Variants in JAM3 observed in about 807,000 individuals in gnomAD.
JAM3 encodes the protein junctional adhesion molecule C.
JAM3 carries 31 observed loss-of-function variants against 39.4 expected under a neutral mutation model. That is an observed-to-expected ratio of 0.79 (90% CI 0.59 to 1.06). The LOEUF is 1.06. Ranked by LOEUF, JAM3 falls within the 50% of genes least tolerant of loss-of-function variation. The pLI is 0.00. For synonymous variants in JAM3, 182 were observed against 148.7 expected (o/e 1.22, Z -1.63); for missense variants, 455 against 391.4 (o/e 1.16, Z -1.37).
At chr11:134,109,396 T>C (rs1443426377) in intron 1 of JAM3, among the ~76,000 whole-genome samples, 1 of 152,214 alleles carries the variant, frequency 6.6e-6, no homozygotes, top group African/African-American at 2.4e-5. Flanking sequence ...CATTAACATT[T>C]ATGTCAGGGA....
chr11:134,129,050 T>C (rs774189899), intron 1 of JAM3, among the ~76,000 whole-genome samples: 4 of 151,902 alleles, frequency 2.6e-5, no homozygotes, highest in Non-Finnish European at 4.4e-5. Flanking sequence ...GGCCAGTAGG[T>C]GACTGCCTTC....
Position 134,084,570 on chromosome 11 carries a change from A to G in JAM3, c.76+15411A>G, listed in dbSNP as rs536348456. ...GTACCTGTCATAGTAGTAAGCTCTC[A>G]GTGTTAGGTTTTGTTTTTCATCAAT... On this transcript the variant is annotated intron_variant, in intron 1 of 8. Transcript: ENST00000299106. 3.1e-3 allele frequency among the ~76,000 whole-genome samples: 475 copies of G among 152,320 alleles called. 2 individuals are homozygous for G. Among genetic ancestry groups the G allele is most frequent in the African/African-American group, 0.011 (456 of 41,574 alleles).
intron 1 of JAM3, among the ~76,000 whole-genome samples, chr11:134,124,695 A>G (rs773749973): frequency 6.6e-6 from 1 of 152,182 alleles, no homozygotes; most frequent in Non-Finnish European, 1.5e-5. Context: ...TACTGGAGTC[A>G]TTAAAAGAAA....
chr11:134,111,131 ATCTTTTTTTTT>A (rs1252351033), intron 1 of JAM3, among the ~76,000 whole-genome samples: 2 of 115,226 alleles, frequency 1.7e-5, no homozygotes, highest in African/African-American at 8.4e-5. Flanking sequence ...ACACACATCC[ATCTTTTTTTTT>A]TTTTTTTTTT....
At chr11:134,069,670 G>C (rs988266702) in intron 1 of JAM3, among the ~76,000 whole-genome samples, 1 of 152,180 alleles carries the variant, frequency 6.6e-6, no homozygotes, top group African/African-American at 2.4e-5. Flanking sequence ...CGGCAGCTGC[G>C]GCGTGGGCGC....
chr11:134,081,537 C>A (rs1941665477), intron 1 of JAM3, among the ~76,000 whole-genome samples: 1 of 152,220 alleles, frequency 6.6e-6, no homozygotes, highest in Non-Finnish European at 1.5e-5. Flanking sequence ...CTTGCAGCTT[C>A]CACGTGGTGT....
chr11:134,106,301 A>G (rs531644970), intron 1 of JAM3, among the ~76,000 whole-genome samples: 157 of 152,234 alleles, frequency 1.0e-3, no homozygotes, highest in African/African-American at 3.6e-3. Context: ...CATATGTAGA[A>G]AGCTGAAACT....
intron 1 of JAM3, among the ~76,000 whole-genome samples, chr11:134,134,097 TA>T (rs373410203): frequency 1.1e-3 from 159 of 151,336 alleles, no homozygotes; most frequent in African/African-American, 3.7e-3. Flanking sequence ...ACACTAGAGA[TA>T]AAAAAAACTA....
intron 1 of JAM3, among the ~76,000 whole-genome samples, chr11:134,115,574 G>T (rs1439059622): frequency 6.6e-5 from 10 of 152,120 alleles, no homozygotes; most frequent in Admixed American, 6.6e-4. Context: ...GAGTTTATCT[G>T]ATGTTTTCTC....
At chr11:134,144,424 C>T (rs1408975583) in intron 4 of JAM3, 31 bp downstream of exon 4, 23 of 1,611,794 alleles carry the variant, frequency 1.4e-5, no homozygotes, top group Non-Finnish European at 2.0e-5. Flanking sequence ...GAGACATTGC[C>T]ACCATAGGAT....
chr11:134,086,596 T>G (rs986759192), intron 1 of JAM3, among the ~76,000 whole-genome samples: 3 of 152,148 alleles, frequency 2.0e-5, no homozygotes, highest in African/African-American at 7.2e-5. Flanking sequence ...TTAGTGGAAA[T>G]TCCAGCATAT....
chr11:134,112,818 G>A (rs1942343055), intron 1 of JAM3, among the ~76,000 whole-genome samples: 1 of 152,208 alleles, frequency 6.6e-6, no homozygotes, highest in South Asian at 2.1e-4. Context: ...TTCATGTCGT[G>A]TAAGAGGATA....
At chr11:134,080,683 C>T (rs921365127) in intron 1 of JAM3, among the ~76,000 whole-genome samples, 2 of 152,166 alleles carry the variant, frequency 1.3e-5, no homozygotes, top group Admixed American at 6.5e-5. Flanking sequence ...GTAAATTGCC[C>T]AGTCTCGGGT....
intron 3 of JAM3, among the ~76,000 whole-genome samples, chr11:134,141,683 G>A (rs1283740110): frequency 6.6e-6 from 1 of 152,100 alleles, no homozygotes; most frequent in Non-Finnish European, 1.5e-5. Context: ...GGAGAGGGCT[G>A]GTGGGGGGCC....
At chr11:134,140,821 C>T (rs1460748974) in intron 3 of JAM3, 51 bp downstream of exon 3, 1 of 1,574,472 alleles carries the variant, frequency 6.4e-7, no homozygotes, top group Non-Finnish European at 8.6e-7. Context: ...GTCCATAGAC[C>T]TGGGTATACA....
chr11:134,099,105 G>A (rs2120673508), intron 1 of JAM3, among the ~76,000 whole-genome samples: 3 of 152,284 alleles, frequency 2.0e-5, no homozygotes, highest in Middle Eastern at 6.8e-3. Flanking sequence ...GGAGGCTGAA[G>A]TGGGAGGATT....
intron 1 of JAM3, among the ~76,000 whole-genome samples, chr11:134,105,254 A>G (rs1942160638): frequency 6.6e-6 from 1 of 152,228 alleles, no homozygotes. Context: ...GACAAAAACC[A>G]CATGATTATC....
chr11:134,106,597 A>G (rs375838883), intron 1 of JAM3, among the ~76,000 whole-genome samples: 18 of 152,256 alleles, frequency 1.2e-4, no homozygotes, highest in East Asian at 5.8e-4. Flanking sequence ...AACTCATCTG[A>G]CAAAGGGCTA....
chr11:134,121,820 C>T (rs577507778), intron 1 of JAM3, among the ~76,000 whole-genome samples: 3,900 of 131,738 alleles, frequency 0.03, 164 homozygotes, highest in African/African-American at 0.13. Flanking sequence ...TGCATGTGTG[C>T]GCACACACAC....
Sources: allele counts gnomAD v4.1 joint callset (sites outside exome capture counted in the v4.1 genomes callset), GRCh38; gene constraint gnomAD v4.1.1; transcripts MANE v1.5; gene names NCBI Gene and HGNC (gene_info 2026-07-23, HGNC 2026-07-21).